The following FAM219A variants were observed in gnomAD, a reference collection of about 807,000 sequenced individuals.
FAM219A encodes protein FAM219A.
In FAM219A, 7 loss-of-function variants were observed where a neutral mutation model predicts 23.4. The ratio of observed to expected loss-of-function variants is 0.30; its 90% CI spans 0.17 to 0.56. The LOEUF (loss-of-function observed/expected upper bound fraction) is 0.56, where lower values mean the gene tolerates loss of function less well. FAM219A is among the 20% of genes least tolerant of loss of function. FAM219A has a pLI of 0.92. For missense variants in FAM219A, 166 were observed against 246.9 expected (o/e 0.67, Z 2.20); for synonymous variants, 93 against 99.0 (o/e 0.94, Z 0.36).
chr9:34,454,317 T>C (rs1026228782), intron 1 of FAM219A, among the ~76,000 whole-genome samples: 8 of 152,154 alleles, frequency 5.3e-5, no homozygotes, highest in Admixed American at 3.3e-4. Flanking sequence ...GCGCCTGTAG[T>C]CCCAGCTATT....
intron 3 of FAM219A, 43 bp downstream of exon 3, chr9:34,402,662 G>A: frequency 1.9e-6 from 3 of 1,605,154 alleles, no homozygotes; most frequent in Non-Finnish European, 2.6e-6. Context: ...GCAGAAATAG[G>A]TCCTGGCTGG....
chr9:34,416,737 C>CAA (rs59633026), intron 1 of FAM219A, among the ~76,000 whole-genome samples: 14 of 112,364 alleles, frequency 1.2e-4, no homozygotes, highest in Admixed American at 1.8e-4. Context: ...GACTCTGTCT[C>CAA]AAAAAAAAAA....
Position 34,400,901 on chromosome 9 carries a change from G to A in FAM219A, c.*63C>T. 1 of 1,444,816 alleles carries A rather than the reference G, an allele frequency of 6.9e-7. No individual in the cohort carries two copies. 89.5% of individuals were successfully genotyped at this position (1,444,816 alleles called of 1,614,324 possible). ...AGGCAGACGAGCTGGGAAGGGGTCGGCCTCTGCCCGTCCTACCCGGCCCTT... is the reference window on the plus strand; with the variant it reads ...AGGCAGACGAGCTGGGAAGGGGTCGACCTCTGCCCGTCCTACCCGGCCCTT... On this transcript the variant is annotated 3_prime_UTR_variant, in exon 6 of 6. Transcript: ENST00000651358.
At chr9:34,435,430 GA>G (rs150739993) in intron 1 of FAM219A, among the ~76,000 whole-genome samples, 3,163 of 152,062 alleles carry the variant, frequency 0.021, 90 homozygotes, top group East Asian at 0.12. Context: ...TCCCCAAATA[GA>G]AAAAAATTCA....
Position 34,405,941 on chromosome 9 carries a change from A to C in FAM219A, c.84T>G (p.Ser28=). The C allele has an allele frequency of 9.9e-6, 16 of 1,613,046 alleles. No homozygotes were observed. Among genetic ancestry groups the C allele is most frequent in the Non-Finnish European group, 1.4e-5 (16 of 1,179,400 alleles). Residue 28 remains serine (S), a synonymous_variant, in exon 2 of 6, where the codon TCT becomes TCG. Transcript: ENST00000651358. ...CCTCCCGGGCGTCACAGTCTCCGTCAGAGATGGAGGCGGCGGCTGGGTCCT... is the reference window on the plus strand; with the variant it reads ...CCTCCCGGGCGTCACAGTCTCCGTCCGAGATGGAGGCGGCGGCTGGGTCCT... The part of the protein sequence containing the change: ...QPLDPAAASI[S]DGDCDAREGE...
chr9:34,426,412 C>T (rs780924708), intron 1 of FAM219A, among the ~76,000 whole-genome samples: 1 of 152,136 alleles, frequency 6.6e-6, no homozygotes, highest in Non-Finnish European at 1.5e-5. Context: ...GTCTATAGTA[C>T]ACCCTGGGCT....
intron 4 of FAM219A, chr9:34,402,152 T>C: frequency 6.8e-7 from 1 of 1,461,550 alleles, no homozygotes; most frequent in Admixed American, 2.4e-5. Flanking sequence ...ATTGGATCAG[T>C]TGTCCCAGGA....
chr9:34,401,152 C>G (rs377011281), intron 5 of FAM219A, 30 bp from the exon 6 acceptor site: 3 of 1,608,240 alleles, frequency 1.9e-6, no homozygotes, highest in East Asian at 4.5e-5. Flanking sequence ...AGGTCAGGCC[C>G]GAGCGGCAGG....
intron 1 of FAM219A, among the ~76,000 whole-genome samples, chr9:34,451,128 CCT>C (rs1400351395): frequency 1.3e-5 from 2 of 152,104 alleles, no homozygotes; most frequent in African/African-American, 2.4e-5. Flanking sequence ...ATGTGTCTAC[CCT>C]CTCTCCCAGG....
chr9:34,415,301 T>G (rs1821961671), intron 1 of FAM219A, among the ~76,000 whole-genome samples: 4 of 152,182 alleles, frequency 2.6e-5, no homozygotes, highest in African/African-American at 9.7e-5. Context: ...CAACTGGTCT[T>G]GGGAGTAGCT....
At chr9:34,423,600 G>A (rs1822356560) in intron 1 of FAM219A, among the ~76,000 whole-genome samples, 2 of 152,162 alleles carry the variant, frequency 1.3e-5, no homozygotes. Flanking sequence ...GGAAATAATG[G>A]GGAGCCACTG....
intron 1 of FAM219A, among the ~76,000 whole-genome samples, chr9:34,441,955 C>A (rs968305975): frequency 6.6e-6 from 1 of 152,170 alleles, no homozygotes; most frequent in Non-Finnish European, 1.5e-5. Context: ...AACTCCTGGC[C>A]TCAAGTGATC....
intron 1 of FAM219A, among the ~76,000 whole-genome samples, chr9:34,438,967 G>A (rs1022755579): frequency 3.3e-5 from 5 of 152,314 alleles, no homozygotes; most frequent in South Asian, 2.1e-4. Flanking sequence ...AACACTCACC[G>A]CGAAGGTCTG....
chr9:34,406,343 T>C, intron 1 of FAM219A: 1 of 985,388 alleles, frequency 1.0e-6, no homozygotes, highest in Non-Finnish European at 1.2e-6. Context: ...AAGGTCTTCC[T>C]AGGTTCCTGT....
Position 34,411,609 on chromosome 9 carries a change from G to A in FAM219A, c.61-5645C>T, listed in dbSNP as rs374889396. The stretch of plus-strand genomic sequence containing the variant: ...GGAGAATGGCTAGAACCCGGGAGGC[G>A]GAGCTTGCAGTGAGCCAAGATTGCA... On this transcript the variant is annotated intron_variant, in intron 1 of 5. Transcript: ENST00000651358. Among the ~76,000 whole-genome samples, 14 of 151,168 alleles carry A rather than the reference G, an allele frequency of 9.3e-5. No individual in the cohort carries two copies. In the East Asian group the frequency reaches 2.5e-3, roughly 27 times the overall value.
chr9:34,418,642 A>G (rs975510638), intron 1 of FAM219A, among the ~76,000 whole-genome samples: 1 of 152,192 alleles, frequency 6.6e-6, no homozygotes, highest in Non-Finnish European at 1.5e-5. Context: ...GGCCTATGTC[A>G]AGTCTTGTGA....
intron 1 of FAM219A, among the ~76,000 whole-genome samples, chr9:34,440,647 G>A (rs1276208576): frequency 1.3e-5 from 2 of 151,856 alleles, no homozygotes; most frequent in African/African-American, 2.4e-5. Context: ...TCAGGAGATC[G>A]AGACCATCCT....
chr9:34,426,554 C>A (rs943733241), intron 1 of FAM219A, among the ~76,000 whole-genome samples: 2 of 152,142 alleles, frequency 1.3e-5, no homozygotes, highest in Non-Finnish European at 2.9e-5. Context: ...CTGGAGCATG[C>A]AGATAGGAAC....
At chr9:34,433,347 G>A (rs1822784120) in intron 1 of FAM219A, among the ~76,000 whole-genome samples, 1 of 152,038 alleles carries the variant, frequency 6.6e-6, no homozygotes, top group Admixed American at 6.6e-5. Flanking sequence ...GAACCTAGAA[G>A]GTTCTGCAGA....
Sources: allele counts gnomAD v4.1 joint callset (sites outside exome capture counted in the v4.1 genomes callset), GRCh38; gene constraint gnomAD v4.1.1; transcripts MANE v1.5; gene names NCBI Gene and HGNC (gene_info 2026-07-23, HGNC 2026-07-21).